GFRA1: variants seen among roughly 807,000 people sequenced by gnomAD.
GFRA1 encodes the protein GDNF family receptor alpha-1.
A neutral mutation model predicts 51.6 loss-of-function variants in GFRA1; 16 were observed. The observed-to-expected ratio is 0.31, with a 90% CI of 0.21 to 0.47. GFRA1 has a LOEUF of 0.47. Among genes scored for constraint, GFRA1 ranks in the 20% least tolerant of loss-of-function variants. The pLI, the probability that GFRA1 is intolerant of heterozygous loss-of-function variation, is 1.00. For missense variants in GFRA1, 530 were observed against 594.3 expected, an observed-to-expected ratio of 0.89 and a Z score of 1.13; for synonymous variants, 270 against 241.3, an observed-to-expected ratio of 1.12 and a Z score of -1.10.
intron 4 of GFRA1, among the ~76,000 whole-genome samples, chr10:116,244,044 C>A (rs945303841): frequency 6.6e-6 from 1 of 152,146 alleles, no homozygotes; most frequent in South Asian, 2.1e-4. Flanking sequence ...CTTAAAGACC[C>A]TATGTAGGAA....
In GFRA1 at chr10:116,059,800, G is replaced by T. The variant is rs1006242295; in HGVS notation, c.*4598C>A. The T allele has an allele frequency of 1.3e-5, 2 of 152,214 alleles. No individual in the cohort carries two copies. Among genetic ancestry groups the T allele is most frequent in the African/African-American group, 4.8e-5 (2 of 41,452 alleles). 9.4% of individuals were successfully genotyped at this position (152,214 alleles called of 1,614,324 possible). On this transcript the variant is annotated 3_prime_UTR_variant, in exon 11 of 11. Coordinates refer to ENST00000355422, the MANE Select transcript of GFRA1 (RefSeq NM_005264.8). ...CCAATCCCAAAGCTAAGAAGAGGGA[G>T]CTCAGAGGAGAGTTAGCTGGAGGAA... is the stretch of plus-strand genomic sequence containing the variant.
chr10:116,128,079 C>T (rs970300145), intron 5 of GFRA1, among the ~76,000 whole-genome samples: 1 of 152,126 alleles, frequency 6.6e-6, no homozygotes, highest in African/African-American at 2.4e-5. Flanking sequence ...CCTGAAGAAT[C>T]GAGTCAATAC....
chr10:116,170,142 G>T (rs1960886703), intron 5 of GFRA1, among the ~76,000 whole-genome samples: 1 of 152,162 alleles, frequency 6.6e-6, no homozygotes, highest in Non-Finnish European at 1.5e-5. Flanking sequence ...GCTAATCAAA[G>T]GCCTCCATGA....
chr10:116,114,841 G>T (rs993813477), intron 6 of GFRA1, among the ~76,000 whole-genome samples: 1 of 152,214 alleles, frequency 6.6e-6, no homozygotes, highest in East Asian at 1.9e-4. Context: ...GGGTTAGATG[G>T]CAGGCACATG....
chr10:116,208,943 G>A (rs1257662838), intron 5 of GFRA1, among the ~76,000 whole-genome samples: 1 of 152,170 alleles, frequency 6.6e-6, no homozygotes, highest in African/African-American at 2.4e-5. Flanking sequence ...TGGAATTCCT[G>A]AGAGCTACCC....
At chr10:116,189,624 A>AT (rs1963070574) in intron 5 of GFRA1, among the ~76,000 whole-genome samples, 1 of 152,210 alleles carries the variant, frequency 6.6e-6, no homozygotes, top group Admixed American at 6.5e-5. Context: ...TCTGAAATTC[A>AT]TTCATTCATT....
chr10:116,247,202 A>C (rs1967936388), intron 4 of GFRA1, among the ~76,000 whole-genome samples: 1 of 152,078 alleles, frequency 6.6e-6, no homozygotes, highest in African/African-American at 2.4e-5. Flanking sequence ...CCTAGAAGCC[A>C]TCCCTGGTTT....
chr10:116,263,973 A>T (rs12241344), intron 4 of GFRA1, among the ~76,000 whole-genome samples: 3,226 of 152,220 alleles, frequency 0.021, 111 homozygotes, highest in African/African-American at 0.073. Context: ...AAAACTGGAG[A>T]TCCAGGAAGA....
chr10:116,208,589 G>A (rs1375119465), intron 5 of GFRA1, among the ~76,000 whole-genome samples: 7 of 152,168 alleles, frequency 4.6e-5, no homozygotes, highest in Admixed American at 2.6e-4. Context: ...GAGTCTTCAA[G>A]GGACTTCAGT....
At chr10:116,200,502 T>A (rs1008153309) in intron 5 of GFRA1, among the ~76,000 whole-genome samples, 2 of 152,268 alleles carry the variant, frequency 1.3e-5, no homozygotes, top group Non-Finnish European at 2.9e-5. Flanking sequence ...ATGGGGTTTC[T>A]CTTAGTCAGC....
At chr10:116,242,607 A>T (rs1212214585) in intron 4 of GFRA1, among the ~76,000 whole-genome samples, 2 of 151,776 alleles carry the variant, frequency 1.3e-5, no homozygotes, top group Non-Finnish European at 2.9e-5. Flanking sequence ...TCAGCCTCCC[A>T]AGTAGCTGAG....
chr10:116,101,405 G>T (rs1264162467), intron 6 of GFRA1, among the ~76,000 whole-genome samples: 4 of 152,100 alleles, frequency 2.6e-5, no homozygotes, highest in Non-Finnish European at 5.9e-5. Flanking sequence ...ATCGCTCTCA[G>T]TAAGAGAAAA....
At chr10:116,206,559 T>C (rs573628322) in intron 5 of GFRA1, among the ~76,000 whole-genome samples, 1 of 151,120 alleles carries the variant, frequency 6.6e-6, no homozygotes, top group South Asian at 2.1e-4. Flanking sequence ...TTTATCCATA[T>C]GGGAAAGAGC....
intron 6 of GFRA1, 134 bp from the exon 7 acceptor site, chr10:116,096,898 C>T (rs1956615673): frequency 2.1e-5 from 14 of 661,950 alleles, no homozygotes; most frequent in Non-Finnish European, 3.0e-5. Flanking sequence ...CACACACACA[C>T]ACATACACAC....
At chr10:116,092,295 T>C (rs1220863701) in intron 8 of GFRA1, among the ~76,000 whole-genome samples, 1 of 152,164 alleles carries the variant, frequency 6.6e-6, no homozygotes, top group East Asian at 1.9e-4. Flanking sequence ...CCAAAGCAAT[T>C]GACTACAGCC....
intron 4 of GFRA1, among the ~76,000 whole-genome samples, chr10:116,225,583 C>T (rs562229266): frequency 6.1e-5 from 8 of 132,186 alleles, no homozygotes; most frequent in African/African-American, 2.1e-4. Context: ...TTTGAATGAG[C>T]TGTGTGAAAC....
chr10:116,067,652 T>C (rs1213896432), intron 9 of GFRA1, among the ~76,000 whole-genome samples: 3 of 152,238 alleles, frequency 2.0e-5, no homozygotes, highest in Non-Finnish European at 4.4e-5. Flanking sequence ...CATTATTAAA[T>C]GATTAGAAAG....
intron 4 of GFRA1, among the ~76,000 whole-genome samples, chr10:116,228,736 A>C (rs529202199): frequency 1.3e-5 from 2 of 151,808 alleles, no homozygotes; most frequent in Non-Finnish European, 2.9e-5. Flanking sequence ...TAATCCTAGC[A>C]CTTTGGGAGG....
intron 5 of GFRA1, among the ~76,000 whole-genome samples, chr10:116,203,906 A>G (rs12269391): frequency 0.28 from 43,338 of 152,186 alleles, 6,942 homozygotes; most frequent in African/African-American, 0.44. Flanking sequence ...GAAACAAGAC[A>G]CTATGCAATT....
Sources: allele counts gnomAD v4.1 joint callset (sites outside exome capture counted in the v4.1 genomes callset), GRCh38; gene constraint gnomAD v4.1.1; transcripts MANE v1.5; gene names NCBI Gene and HGNC (gene_info 2026-07-23, HGNC 2026-07-21).